The following EPHB4 variants were observed in gnomAD, a reference collection of about 807,000 sequenced individuals.
The protein encoded by EPHB4 is EPH receptor B4, also known as ephrin type-B receptor 4.
A neutral mutation model predicts 110.6 loss-of-function variants in EPHB4; 50 were observed. The observed-to-expected ratio is 0.45, with a 90% CI of 0.36 to 0.57. The LOEUF is 0.57. Ranked by LOEUF, EPHB4 falls within the 20% of genes least tolerant of loss-of-function variation. The pLI is 0.00. For missense variants in EPHB4, 1,128 were observed against 1,382.1 expected (o/e 0.82, Z 2.91); for synonymous variants, 592 against 578.4 (o/e 1.02, Z -0.34).
intron 1 of EPHB4, chr7:100,825,351 G>A (rs969624619): frequency 3.9e-5 from 6 of 152,228 alleles, no homozygotes; most frequent in Admixed American, 1.3e-4. Context: ...GTTCTGGGAA[G>A]GGGGTGGATA....
chr7:100,826,858 T>A (rs545058163), intron 1 of EPHB4, 121 bp downstream of exon 1: 131 of 772,522 alleles, frequency 1.7e-4, no homozygotes, highest in Non-Finnish European at 2.3e-4. Context: ...GTCCGAAGTG[T>A]TTGGGACTGC....
rs1812963076 is a variant in EPHB4, at chr7:100,812,665, C to A, written c.2118+82G>T. Reference sequence around the variant, plus strand: ...GAGGAGGTGACCTGGGACCCACTGTCTGTCCTGGCTTCTTAACCCAAGTGG... The same window carrying A: ...GAGGAGGTGACCTGGGACCCACTGTATGTCCTGGCTTCTTAACCCAAGTGG... On this transcript the variant is annotated intron_variant, in intron 12 of 16. Transcript: ENST00000358173. 3 of 1,533,090 alleles carry A rather than the reference C, an allele frequency of 2.0e-6. No individual in the cohort carries two copies. The Admixed American group carries it at 5.7e-5, about 29-fold the overall frequency. The allele number at this position is 1,533,090 out of a possible 1,614,324, so 95.0% of individuals were successfully genotyped here. A position where few individuals can be genotyped will look rare whatever the true frequency, so the allele number is the denominator to read the frequency against.
At chr7:100,817,037 G>C (rs1016058604) in intron 8 of EPHB4, among the ~76,000 whole-genome samples, 155 bp downstream of exon 8, 3 of 149,786 alleles carry the variant, frequency 2.0e-5, no homozygotes, top group African/African-American at 7.4e-5. Context: ...GAGCGGAGAT[G>C]GTGCCACTGC....
chr7:100,824,484 A>G, intron 1 of EPHB4: 2 of 577,882 alleles, frequency 3.5e-6, no homozygotes, highest in African/African-American at 3.7e-5. Context: ...TCTGGTAGGC[A>G]TGGGGCTCCC....
chr7:100,813,124 T>A lies in EPHB4; in HGVS notation c.1841A>T (p.Tyr614Phe), dbSNP rs753421383. 13 of 1,612,912 alleles carry A rather than the reference T, an allele frequency of 8.1e-6. No homozygotes were observed. Among genetic ancestry groups the A allele is most frequent in the Non-Finnish European group, 1.1e-5 (13 of 1,180,052 alleles). The part of the protein sequence containing the change: ...REFAKEIDVS[Y>F]VKIEEVIGAG... ...ACCAATCACCTCTTCAATCTTGACG[T>A]AGGAGACATCGATCTCTTTTGCAAA... is the stretch of plus-strand genomic sequence containing the variant. Residue 614 changes from tyrosine to phenylalanine, a missense_variant, in exon 11 of 17, where the codon TAC (tyrosine) becomes TTC (phenylalanine). Physicochemically the swap from Tyr to Phe is conservative, Grantham distance 22. This residue lies in a region of EPHB4 where 191 missense variants were observed against 313.0 expected (regional missense o/e 0.61). Transcript: ENST00000358173.
intron 4 of EPHB4, chr7:100,820,607 C>T (rs925186103): frequency 2.4e-5 from 5 of 212,316 alleles, no homozygotes; most frequent in Non-Finnish European, 3.7e-5. Flanking sequence ...TGTTTCGACC[C>T]TGATCTCGGC....
At chr7:100,819,998 G>A in intron 5 of EPHB4, 109 bp from the exon 6 acceptor site, 1 of 1,466,732 alleles carries the variant, frequency 6.8e-7, no homozygotes, top group Non-Finnish European at 9.1e-7. Flanking sequence ...GAGACAGTGG[G>A]CTCCACATGT....
chr7:100,812,210 A>G (rs1323798869), intron 12 of EPHB4, among the ~76,000 whole-genome samples: 1 of 151,976 alleles, frequency 6.6e-6, no homozygotes, highest in Non-Finnish European at 1.5e-5. Flanking sequence ...ATTAAAAAAA[A>G]AAAGAAGGAA....
At position 100,803,549 on chromosome 7, in the gene EPHB4, T is replaced by C; in HGVS notation, c.2876A>G (p.Lys959Arg). The C allele has an allele frequency of 6.2e-7, 1 of 1,605,200 alleles. No individual in the cohort carries two copies. Among genetic ancestry groups the C allele is most frequent in the Non-Finnish European group, 8.5e-7 (1 of 1,175,728 alleles). Reference protein sequence around the residue: ...RIGVTLAGHQKKILASVQHMK... With the variant: ...RIGVTLAGHQRKILASVQHMK... ...GTGCTGGACACTGGCCAAGATTTTC[T>C]TCTGGTGTCCCGCCAGAGTGACTCC... The change falls in exon 17 of 17, where the codon AAG (lysine) becomes AGG (arginine). Residue 959 changes from lysine to arginine, a missense_variant. Physicochemically the swap from Lys to Arg is conservative, Grantham distance 26. Transcript: ENST00000358173.
intron 1 of EPHB4, 93 bp from the exon 2 acceptor site, chr7:100,824,366 T>C (rs1245786619): frequency 2.9e-6 from 4 of 1,359,388 alleles, no homozygotes; most frequent in Non-Finnish European, 3.1e-6. Flanking sequence ...GTGGATCCTC[T>C]TAGCTCTGAG....
intron 14 of EPHB4, chr7:100,805,928 ATC>A: frequency 2.4e-6 from 1 of 424,766 alleles, no homozygotes; most frequent in Non-Finnish European, 4.1e-6. Flanking sequence ...CCATCTCTGC[ATC>A]CTTCTGCGAC....
intron 8 of EPHB4, among the ~76,000 whole-genome samples, chr7:100,815,566 G>A (rs2116439232): frequency 6.6e-6 from 1 of 152,206 alleles, no homozygotes; most frequent in South Asian, 2.1e-4. Context: ...AATTACTTGT[G>A]GTGGTGACTG....
At chr7:100,823,536 G>A in intron 3 of EPHB4, 108 bp downstream of exon 3, 1 of 1,400,786 alleles carries the variant, frequency 7.1e-7, no homozygotes, top group Non-Finnish European at 9.6e-7. Context: ...CCAGCCCCCA[G>A]CGCGCGGGCC....
chr7:100,803,424 G>A lies in EPHB4; in HGVS notation c.*37C>T. 1 of 1,499,472 alleles carries A rather than the reference G, an allele frequency of 6.7e-7. No individual in the cohort carries two copies. The highest frequency in any genetic ancestry group is 9.0e-7 in the Non-Finnish European group (1 of 1,110,378). 92.9% of individuals were successfully genotyped at this position (1,499,472 alleles called of 1,614,324 possible). On this transcript the variant is annotated 3_prime_UTR_variant, in exon 17 of 17. Coordinates refer to ENST00000358173, the MANE Select transcript of EPHB4 (RefSeq NM_004444.5). Reference sequence around the variant, plus strand: ...AGTCCCCACTCTGCCCCGGAAAATGGGGAGGCGGTGTCCCTGGGGTGGGGA... The same window carrying A: ...AGTCCCCACTCTGCCCCGGAAAATGAGGAGGCGGTGTCCCTGGGGTGGGGA...
chr7:100,806,935 G>T (rs1400430837), intron 13 of EPHB4, among the ~76,000 whole-genome samples: 1 of 152,072 alleles, frequency 6.6e-6, no homozygotes, highest in Non-Finnish European at 1.5e-5. Context: ...CTCCCAAAGT[G>T]CTGGATTTAC....
chr7:100,805,325 G>C lies in EPHB4; in HGVS notation c.2679-4C>G, dbSNP rs1812794160. 6.2e-7 allele frequency: 1 copy of C among 1,613,678 alleles called. No individual in the cohort carries two copies. The highest frequency in any genetic ancestry group is 8.5e-7 in the Non-Finnish European group (1 of 1,179,884). The stretch of plus-strand genomic sequence containing the variant: ...GTCCAGGAGAGGGTGTGAGGCCCTA[G>C]GGGGCAAGGATGGGGAGGAATGCTG... On this transcript the variant is annotated splice_region_variant and splice_polypyrimidine_tract_variant and intron_variant, in intron 15 of 16. Coordinates refer to ENST00000358173, the MANE Select transcript of EPHB4 (RefSeq NM_004444.5).
chr7:100,824,002 A>G, intron 2 of EPHB4, 71 bp from the exon 3 acceptor site: 3 of 1,515,888 alleles, frequency 2.0e-6, no homozygotes, highest in Non-Finnish European at 2.7e-6. Context: ...GGTGAATCCT[A>G]TAAAGTGAGA....
intron 4 of EPHB4, chr7:100,821,262 G>C (rs577929819): frequency 6.6e-6 from 1 of 151,556 alleles, no homozygotes; most frequent in Non-Finnish European, 1.5e-5. Context: ...CACCATGTCC[G>C]GCTAATTTTG....
intron 12 of EPHB4, among the ~76,000 whole-genome samples, chr7:100,810,883 C>T (rs1343027854): frequency 2.0e-5 from 3 of 152,240 alleles, no homozygotes; most frequent in Admixed American, 6.6e-5. Flanking sequence ...TATTCAATGA[C>T]GCTAGGGAAT....
Sources: allele counts gnomAD v4.1 joint callset (sites outside exome capture counted in the v4.1 genomes callset), GRCh38; gene constraint gnomAD v4.1.1; regional missense constraint gnomAD v4.1.1; transcripts MANE v1.5; gene names NCBI Gene and HGNC (gene_info 2026-07-23, HGNC 2026-07-21).